AIPL1: variants seen among roughly 807,000 people sequenced by gnomAD.
The protein encoded by AIPL1 is aryl-hydrocarbon-interacting protein-like 1.
A neutral mutation model predicts 32.9 loss-of-function variants in AIPL1; 23 were observed. The observed-to-expected ratio is 0.70, with a 90% confidence interval of 0.50 to 0.99. The LOEUF is 0.99. Among genes scored for constraint, AIPL1 ranks in the 50% least tolerant of loss-of-function variants. The pLI is 0.00. For synonymous variants in AIPL1, 210 were observed against 209.4 expected (o/e 1.00, Z -0.02); for missense variants, 485 against 506.0 (o/e 0.96, Z 0.40).
At chr17:6,432,381 AAAAG>A (rs1021760036) in intron 2 of AIPL1, among the ~76,000 whole-genome samples, 33 of 152,022 alleles carry the variant, frequency 2.2e-4, no homozygotes, top group Admixed American at 7.9e-4. Context: ...CTCAAAAAAA[AAAAG>A]AAAGAAAGAA....
intron 2 of AIPL1, among the ~76,000 whole-genome samples, chr17:6,429,147 T>A (rs1462187241): frequency 3.9e-5 from 6 of 152,180 alleles, no homozygotes; most frequent in African/African-American, 1.4e-4. Context: ...TCAGCCAGCA[T>A]GGGAGCTGAG....
rs775636207 is a variant in AIPL1 at position 6,425,793 on chromosome 17, G to C, written c.822C>G (p.His274Gln). Reference protein sequence around the residue: ...VKAYYVRARAHAEVWNEAEAK... With the variant: ...VKAYYVRARAQAEVWNEAEAK... ...CCTCGGCCTCATTCCACACCTCTGCGTGAGCCCGGGCACGCACGTAGTAGG... is the reference window on the plus strand; with the variant it reads ...CCTCGGCCTCATTCCACACCTCTGCCTGAGCCCGGGCACGCACGTAGTAGG... The change falls in exon 6 of 6, where the codon CAC (histidine) becomes CAG (glutamine). Residue 274 changes from histidine (H) to glutamine (Q), a missense_variant. Coordinates refer to ENST00000381129, the MANE Select transcript of AIPL1 (RefSeq NM_014336.5). The C allele has an allele frequency of 6.2e-7, 1 of 1,605,656 alleles. No homozygotes were observed. Among genetic ancestry groups the C allele is most frequent in the African/African-American group, 1.3e-5 (1 of 74,900 alleles).
intron 2 of AIPL1, among the ~76,000 whole-genome samples, chr17:6,430,529 T>C (rs1261995641): frequency 7.1e-6 from 1 of 141,778 alleles, no homozygotes; most frequent in Non-Finnish European, 1.5e-5. Flanking sequence ...ACTATCAACA[T>C]GGAAAAAGGA....
intron 2 of AIPL1, among the ~76,000 whole-genome samples, chr17:6,429,080 G>A (rs1912295909): frequency 6.6e-6 from 1 of 152,186 alleles, no homozygotes. Flanking sequence ...TTCGATATTA[G>A]GGCTGCTGTA....
chr17:6,425,374 A>G lies in AIPL1; in HGVS notation c.*86T>C. On this transcript the variant is annotated 3_prime_UTR_variant, in exon 6 of 6. Coordinates refer to ENST00000381129, the MANE Select transcript of AIPL1 (RefSeq NM_014336.5). Reference sequence around the variant, plus strand: ...TTCAAAAATTAATTTTAAATTTTAAAAAGTGACACCACGATCCTGGTCAAT... The same window carrying G: ...TTCAAAAATTAATTTTAAATTTTAAGAAGTGACACCACGATCCTGGTCAAT... 6.9e-7 allele frequency: 1 copy of G among 1,446,542 alleles called. No homozygotes were observed. Among genetic ancestry groups the G allele is most frequent in the Non-Finnish European group, 9.1e-7 (1 of 1,095,924 alleles). The allele number at this position is 1,446,542 out of a possible 1,614,324, so 89.6% of individuals were successfully genotyped here. A position where few individuals can be genotyped will look rare whatever the true frequency, so the allele number is the denominator to read the frequency against.
chr17:6,428,056 G>A (rs1195104804), intron 3 of AIPL1, among the ~76,000 whole-genome samples: 1 of 150,164 alleles, frequency 6.7e-6, no homozygotes, highest in African/African-American at 2.5e-5. Flanking sequence ...CTGACCTCAG[G>A]TGATCCAACC....
At position 6,425,548 on chromosome 17, in the gene AIPL1, G is replaced by C; in HGVS notation, c.1067C>G (p.Thr356Arg). The C allele has an allele frequency of 6.2e-7, 1 of 1,612,864 alleles. No individual in the cohort carries two copies. Among genetic ancestry groups the C allele is most frequent in the African/African-American group, 1.3e-5 (1 of 74,932 alleles). ...TGCGGACAGCTCTGCAGATGGTGCT[G>C]TGGGTGGCTCTGCAGGTGGCTCTGT... ...SSTEPPAEPP[T>R]APSAELSAGP... Residue 356 changes from threonine to arginine, a missense_variant, in exon 6 of 6, where the codon ACA (threonine) becomes AGA (arginine). By Grantham distance (71) the Thr-to-Arg change is moderately conservative. Coordinates refer to ENST00000381129, the MANE Select transcript of AIPL1 (RefSeq NM_014336.5).
chr17:6,428,673 A>T (rs1912256303), intron 2 of AIPL1, among the ~76,000 whole-genome samples, 167 bp from the exon 3 acceptor site: 1 of 152,242 alleles, frequency 6.6e-6, no homozygotes, highest in Non-Finnish European at 1.5e-5. Flanking sequence ...TCACACTGTT[A>T]TGAGCCCCTT....
intron 3 of AIPL1, 99 bp downstream of exon 3, chr17:6,428,219 G>C (rs1912187010): frequency 7.8e-7 from 1 of 1,280,562 alleles, no homozygotes. Flanking sequence ...ACAGAAACAG[G>C]GCACTGTCCA....
intron 5 of AIPL1, chr17:6,426,172 A>T (rs1217984268): frequency 7.8e-7 from 1 of 1,289,852 alleles, no homozygotes; most frequent in Non-Finnish European, 9.8e-7. Flanking sequence ...ATGAGATAAT[A>T]AACGCAGACG....
chr17:6,425,867 T>C, intron 5 of AIPL1, 37 bp from the exon 6 acceptor site: 3 of 1,593,890 alleles, frequency 1.9e-6, no homozygotes, highest in Non-Finnish European at 1.7e-6. Context: ...ACAGCTCCCT[T>C]CCCAGCCTCA....
At position 6,426,700 on chromosome 17, in the gene AIPL1, G is replaced by A. The variant is rs910533562; in HGVS notation, c.699C>T (p.Ile233=). 3 of 1,614,062 alleles carry A rather than the reference G, an allele frequency of 1.9e-6. No individual in the cohort carries two copies. Among genetic ancestry groups the A allele is most frequent in the Admixed American group, 1.7e-5 (1 of 60,008 alleles). The change falls in exon 5 of 6, where the codon ATC becomes ATT. Residue 233 remains isoleucine, a synonymous_variant. Transcript: ENST00000381129. ...LKLEKMINTL[I]LNYCQCLLKK... Reference sequence around the variant, plus strand: ...TCAGCAGGCACTGGCAGTAGTTGAGGATCAGAGTATTGATCATCTTCTCCA... The same window carrying A: ...TCAGCAGGCACTGGCAGTAGTTGAGAATCAGAGTATTGATCATCTTCTCCA...
At chr17:6,433,810 A>T (rs956949243) in intron 2 of AIPL1, 109 bp downstream of exon 2, 1 of 1,394,806 alleles carries the variant, frequency 7.2e-7, no homozygotes, top group Non-Finnish European at 9.9e-7. Context: ...CTGGCTTTGC[A>T]AAGCTTCGCT....
Position 6,425,709 on chromosome 17 carries a change from G to A in AIPL1, c.906C>T (p.Arg302=). 1 of 1,608,244 alleles carries A rather than the reference G, an allele frequency of 6.2e-7. No individual in the cohort carries two copies. Among genetic ancestry groups the A allele is most frequent in the Non-Finnish European group, 8.5e-7 (1 of 1,179,996 alleles). ...ELEPSMQKAV[R]RELRLLENRM... ...GGTTCTCCAGCAGCCTCAGCTCCCT[G>A]CGCACCGCCTTCTGCATGGACGGCT... The change falls in exon 6 of 6, where the codon CGC becomes CGT. Residue 302 remains arginine (R), a synonymous_variant. Coordinates refer to ENST00000381129, the MANE Select transcript of AIPL1 (RefSeq NM_014336.5).
rs62653020 is a variant in AIPL1 at position 6,433,928 on chromosome 17, G to A, written c.267C>T (p.Cys89=). 4.9e-3 allele frequency: 7,962 copies of A among 1,613,722 alleles called. 31 individuals carry two copies. Among genetic ancestry groups the A allele is most frequent in the Non-Finnish European group, 5.6e-3 (6,640 of 1,179,906 alleles). ...CGCAGGGCCTACTTACGATGGTGTC[G>A]CACCAGAACTCGGCCACCTCGTGCA... is the stretch of plus-strand genomic sequence containing the variant. The part of the protein sequence containing the change: ...MRVHEVAEFW[C]DTIHTGVYPI... Residue 89 remains cysteine, a synonymous_variant, in exon 2 of 6, where the codon TGC becomes TGT. Transcript: ENST00000381129.
Position 6,424,231 on chromosome 17 carries a change from G to A in AIPL1, c.*1229C>T, listed in dbSNP as rs907938. ...AGCTAAAACAGGGGCGAGTGGAAGC[G>A]GCTTTCCCTAAGGCATGACCCCCAG... On this transcript the variant is annotated 3_prime_UTR_variant, in exon 6 of 6. Transcript: ENST00000381129. 0.28 allele frequency: 43,235 copies of A among 152,172 alleles called. 6,263 individuals carry two copies. Among genetic ancestry groups the A allele is most frequent in the South Asian group, 0.36 (1,728 of 4,824 alleles). The allele number at this position is 152,172 out of a possible 1,614,324, so 9.4% of individuals were successfully genotyped here.
rs1040890440 is a variant in AIPL1, at chr17:6,424,889, A to G, written c.*571T>C. ...CACAGCTGTTTTCTTCTACCCTACCACTGGCGCTTGCCTTTGAAATCTTTC... is the reference window on the plus strand; with the variant it reads ...CACAGCTGTTTTCTTCTACCCTACCGCTGGCGCTTGCCTTTGAAATCTTTC... On this transcript the variant is annotated 3_prime_UTR_variant, in exon 6 of 6. Coordinates refer to ENST00000381129, the MANE Select transcript of AIPL1 (RefSeq NM_014336.5). 1 of 152,296 alleles carries G rather than the reference A, an allele frequency of 6.6e-6. No individual in the cohort carries two copies. Among genetic ancestry groups the G allele is most frequent in the Non-Finnish European group, 1.5e-5 (1 of 68,244 alleles). The allele number at this position is 152,296 out of a possible 1,614,324, so 9.4% of individuals were successfully genotyped here.
At position 6,430,456 on chromosome 17, in the gene AIPL1, CAAAAAAA is replaced by C. The variant is rs1169701817; in HGVS notation, c.277-1957_277-1951del. ...GGGCAACAAGAGCGAAAGTCCGTCT[CAAAAAAA>C]AAAAAAAAAAAAAAAAACAGTTACC... On this transcript the variant is annotated intron_variant, in intron 2 of 5. Coordinates refer to ENST00000381129, the MANE Select transcript of AIPL1 (RefSeq NM_014336.5). Among the ~76,000 whole-genome samples the C allele has an allele frequency of 2.0e-4, 9 of 44,514 alleles. No homozygotes were observed. The East Asian group carries it at 3.6e-3, about 18-fold the overall frequency. The allele number at this position is 44,514 out of a possible 152,430, so 29.2% of individuals were successfully genotyped here. A position where few individuals can be genotyped will look rare whatever the true frequency, so the allele number is the denominator to read the frequency against.
chr17:6,434,145 C>T (rs747844270), intron 1 of AIPL1, 47 bp from the exon 2 acceptor site: 4 of 1,598,442 alleles, frequency 2.5e-6, no homozygotes, highest in Admixed American at 1.7e-5. Flanking sequence ...CTGTTCAAGG[C>T]CCGGCAGAAG....
Sources: gnomAD v4.1 joint callset for allele counts (sites outside exome capture counted in the v4.1 genomes callset) on GRCh38, gnomAD v4.1.1 for gene constraint, MANE v1.5 for transcripts, NCBI Gene and HGNC (gene_info 2026-07-23, HGNC 2026-07-21) for gene names.